TP63: variants seen among roughly 807,000 people sequenced by gnomAD.
TP63 encodes tumor protein p63, also known as tumor protein 63.
A neutral mutation model predicts 82.8 loss-of-function variants in TP63; 17 were observed. The ratio of observed to expected loss-of-function variants is 0.21; its 90% CI spans 0.14 to 0.31. TP63 has a LOEUF of 0.31. Among genes scored for constraint, TP63 ranks in the 10% least tolerant of loss-of-function variants. The pLI is 1.00. For missense variants in TP63, 648 were observed against 895.3 expected (o/e 0.72, Z 3.52); for synonymous variants, 330 against 321.7 (o/e 1.03, Z -0.28).
At chr3:189,806,980 A>G (rs954967339) in intron 3 of TP63, among the ~76,000 whole-genome samples, 6 of 152,318 alleles carry the variant, frequency 3.9e-5, no homozygotes, top group East Asian at 1.9e-4. Context: ...CTATAGTTTT[A>G]CTTAATCTGG....
chr3:189,626,866 T>C (rs959530137), upstream of TP63, among the ~76,000 whole-genome samples: 1 of 152,216 alleles, frequency 6.6e-6, no homozygotes, highest in African/African-American at 2.4e-5. Context: ...TGGTTTTTTT[T>C]CCAACTGTCT....
At chr3:189,732,357 C>G (rs1026645497) in intron 1 of TP63, among the ~76,000 whole-genome samples, 2 of 152,124 alleles carry the variant, frequency 1.3e-5, no homozygotes, top group African/African-American at 2.4e-5. Flanking sequence ...CAAAAATGAT[C>G]TAGAAGAAAA....
rs1722341387 is a variant in TP63 at position 189,758,384 on chromosome 3, G to A, written c.324+19610G>A. The stretch of plus-strand genomic sequence containing the variant: ...TGGGGCCGGGGGCCCCTGGTCTCAA[G>A]TGAGCATGCATACAACTCGAGTAAA... On this transcript the variant is annotated intron_variant, in intron 3 of 13. Coordinates refer to ENST00000264731, the MANE Select transcript of TP63 (RefSeq NM_003722.5). Among the ~76,000 whole-genome samples, 3 of 152,338 alleles carry A rather than the reference G, an allele frequency of 2.0e-5. No individual in the cohort carries two copies. In the South Asian group the frequency reaches 6.2e-4, roughly 32 times the overall value.
chr3:189,892,192 G>A (rs1381262644), intron 13 of TP63, among the ~76,000 whole-genome samples: 1 of 152,104 alleles, frequency 6.6e-6, no homozygotes, highest in African/African-American at 2.4e-5. Context: ...CCTACATTTT[G>A]GAACAGAGAA....
the TP63 span, among the ~76,000 whole-genome samples, chr3:189,610,678 T>C: frequency 1.3e-5 from 2 of 152,252 alleles, no homozygotes; most frequent in African/African-American, 4.8e-5. Context: ...CTTCTGCCTG[T>C]TGCCCGGTTC....
intron 1 of TP63, among the ~76,000 whole-genome samples, chr3:189,656,020 T>G (rs1713321267): frequency 6.6e-6 from 1 of 152,202 alleles, no homozygotes; most frequent in Non-Finnish European, 1.5e-5. Flanking sequence ...TATCCAGGTT[T>G]AATGCCTTAG....
chr3:189,601,569 T>C, the TP63 span, among the ~76,000 whole-genome samples: 1 of 127,398 alleles, frequency 7.8e-6, no homozygotes, highest in East Asian at 3.0e-4. Flanking sequence ...ATCCTCATTT[T>C]CTTGGATTAC....
At chr3:189,864,695 T>C (rs1310836284) in intron 5 of TP63, among the ~76,000 whole-genome samples, 1 of 152,036 alleles carries the variant, frequency 6.6e-6, no homozygotes. Context: ...TCCTTCTTTT[T>C]ATTTTTCTTG....
At chr3:189,813,730 T>C (rs1487415550) in intron 4 of TP63, among the ~76,000 whole-genome samples, 5 of 152,158 alleles carry the variant, frequency 3.3e-5, no homozygotes. Flanking sequence ...TATGGCAGAC[T>C]CCCTGATCTA....
intron 3 of TP63, among the ~76,000 whole-genome samples, chr3:189,748,198 T>TA (rs1721520249): frequency 6.6e-6 from 1 of 151,772 alleles, no homozygotes; most frequent in Admixed American, 6.6e-5. Flanking sequence ...CTAGTCAGAG[T>TA]AATCAAGCAA....
chr3:189,824,304 C>G (rs1210083792), intron 4 of TP63, among the ~76,000 whole-genome samples: 1 of 152,034 alleles, frequency 6.6e-6, no homozygotes. Flanking sequence ...GCAACCTCTG[C>G]CTCCTGGGTT....
At chr3:189,889,887 G>A (rs1720843123) in intron 12 of TP63, among the ~76,000 whole-genome samples, 2 of 152,134 alleles carry the variant, frequency 1.3e-5, no homozygotes, top group Admixed American at 1.3e-4. Flanking sequence ...CAGCCACCAT[G>A]GGACCATTAT....
chr3:189,730,674 C>T (rs558912971), intron 1 of TP63, among the ~76,000 whole-genome samples: 4 of 152,282 alleles, frequency 2.6e-5, no homozygotes, highest in African/African-American at 9.6e-5. Flanking sequence ...GTGATCCCAT[C>T]CTCCCAATGA....
In TP63 at chr3:189,781,834, A is replaced by G. The variant is rs998705408; in HGVS notation, c.325-26438A>G. Among the ~76,000 whole-genome samples, 8 of 152,202 alleles carry G rather than the reference A, an allele frequency of 5.3e-5. 1 individual carries two copies. The highest frequency in any genetic ancestry group is 3.9e-4 in the East Asian group (2 of 5,194). ...ACTGGCCCTTTAGGGTGGAAATACC[A>G]TAAGGAGCAGACATCTGATGTAAAG... On this transcript the variant is annotated intron_variant, in intron 3 of 13. Transcript: ENST00000264731.
At chr3:189,655,160 T>A (rs1042340437) in intron 1 of TP63, among the ~76,000 whole-genome samples, 35 of 152,220 alleles carry the variant, frequency 2.3e-4, no homozygotes, top group Admixed American at 1.6e-3. Context: ...AAAATTGAGA[T>A]CTCTGCTTCT....
chr3:189,623,946 T>A, the TP63 span, among the ~76,000 whole-genome samples: 2 of 152,122 alleles, frequency 1.3e-5, no homozygotes, highest in African/African-American at 4.8e-5. Flanking sequence ...TAAATAAATA[T>A]AAGTCCTCTT....
chr3:189,870,843 C>T (rs1021643163), intron 9 of TP63, among the ~76,000 whole-genome samples: 4 of 152,192 alleles, frequency 2.6e-5, no homozygotes, highest in African/African-American at 9.6e-5. Flanking sequence ...GGAGATTTGA[C>T]CATGAACTAC....
chr3:189,886,499 G>A lies in TP63; in HGVS notation c.1455G>A (p.Gln485=). ...LPSVSQLINP[Q]QRNALTPTTI... ...CTGTGAGCCAGCTTATCAACCCTCAGCAGCGCAACGCCCTCACTCCTACAA... is the reference window on the plus strand; with the variant it reads ...CTGTGAGCCAGCTTATCAACCCTCAACAGCGCAACGCCCTCACTCCTACAA... The change falls in exon 11 of 14, where the codon CAG becomes CAA. Residue 485 remains glutamine (Q), a synonymous_variant. Transcript: ENST00000264731. 5 of 1,614,068 alleles carry A rather than the reference G, an allele frequency of 3.1e-6. No individual in the cohort carries two copies. Among genetic ancestry groups the A allele is most frequent in the Non-Finnish European group, 4.2e-6 (5 of 1,180,002 alleles).
intron 4 of TP63, among the ~76,000 whole-genome samples, chr3:189,837,147 G>A (rs1713274039): frequency 6.6e-6 from 1 of 151,952 alleles, no homozygotes; most frequent in South Asian, 2.1e-4. Flanking sequence ...AACAAAAGAT[G>A]ATTTTTGTTT....
Sources: allele counts gnomAD v4.1 joint callset (sites outside exome capture counted in the v4.1 genomes callset), GRCh38; gene constraint gnomAD v4.1.1; transcripts MANE v1.5; gene names NCBI Gene and HGNC (gene_info 2026-07-23, HGNC 2026-07-21).